Variants in PAQR8 observed in about 807,000 individuals in gnomAD.
PAQR8 encodes the protein progestin and adipoQ receptor family member 8, also known as membrane progestin receptor beta.
A neutral mutation model predicts 25.2 loss-of-function variants in PAQR8; 17 were observed. That is an observed-to-expected ratio of 0.67 (90% confidence interval 0.46 to 1.01). The LOEUF (loss-of-function observed/expected upper bound fraction) is 1.01, where lower values mean the gene tolerates loss of function less well. Among genes scored for constraint, PAQR8 ranks in the 50% least tolerant of loss-of-function variants. PAQR8 has a pLI of 0.00. For missense variants in PAQR8, 392 were observed against 448.4 expected, an observed-to-expected ratio of 0.87 and a Z score of 1.14; for synonymous variants, 204 against 190.6, an observed-to-expected ratio of 1.07 and a Z score of -0.58.
intron 1 of PAQR8, among the ~76,000 whole-genome samples, chr6:52,376,257 A>G (rs16882431): frequency 0.021 from 3,133 of 152,300 alleles, 120 homozygotes; most frequent in African/African-American, 0.071. Flanking sequence ...GCCAGTCCGT[A>G]GTCACCAAAA....
chr6:52,398,204 CTTTTTTT>C (rs869285681), intron 1 of PAQR8, among the ~76,000 whole-genome samples: 13,777 of 85,880 alleles, frequency 0.16, 872 homozygotes, highest in Non-Finnish European at 0.19. Flanking sequence ...TTTCTTTTTT[CTTTTTTT>C]TTTTTTTTTT....
chr6:52,384,029 C>T (rs1315738392), intron 1 of PAQR8, among the ~76,000 whole-genome samples: 3 of 152,056 alleles, frequency 2.0e-5, no homozygotes, highest in Admixed American at 2.0e-4. Context: ...AAAAAAGGGA[C>T]AGGTTTTGCA....
chr6:52,369,503 C>G (rs1763392370), intron 1 of PAQR8, among the ~76,000 whole-genome samples: 1 of 152,202 alleles, frequency 6.6e-6, no homozygotes, highest in African/African-American at 2.4e-5. Context: ...TCCTTAACAC[C>G]TGCTCTTTTG....
chr6:52,395,448 TAGG>T (rs964378649), intron 1 of PAQR8, among the ~76,000 whole-genome samples: 41 of 152,262 alleles, frequency 2.7e-4, no homozygotes, highest in African/African-American at 7.9e-4. Context: ...TTAAAGGAGA[TAGG>T]GGAGTTCAAA....
chr6:52,365,055 T>TA (rs1343762797), intron 1 of PAQR8, among the ~76,000 whole-genome samples: 1 of 152,276 alleles, frequency 6.6e-6, no homozygotes. Context: ...CCCCTCCTGA[T>TA]ACTTGTTACT....
chr6:52,379,615 C>CTT (rs1763528145), intron 1 of PAQR8, among the ~76,000 whole-genome samples: 3 of 100,498 alleles, frequency 3.0e-5, no homozygotes, highest in Admixed American at 9.7e-5. Flanking sequence ...CCACACCCAG[C>CTT]TTTCTTTTTT....
chr6:52,404,527 A>G lies in PAQR8; in HGVS notation c.*249A>G. On this transcript the variant is annotated 3_prime_UTR_variant, in exon 2 of 2. Coordinates refer to ENST00000442253, the MANE Select transcript of PAQR8 (RefSeq NM_133367.5). ...AGGGAAGGGATCTTGACTAAGATTC[A>G]TGAGACATTGAATTAAGGAGAATCA... The G allele has an allele frequency of 2.5e-6, 1 of 403,984 alleles. No individual in the cohort carries two copies. The highest frequency in any genetic ancestry group is 4.3e-5 in the East Asian group (1 of 23,194). 25.0% of individuals were successfully genotyped at this position (403,984 alleles called of 1,614,324 possible).
chr6:52,372,361 A>C (rs1009521379), intron 1 of PAQR8, among the ~76,000 whole-genome samples: 3 of 152,198 alleles, frequency 2.0e-5, no homozygotes, highest in African/African-American at 7.2e-5. Context: ...ATAATGATCA[A>C]CTTATTGTTA....
chr6:52,387,961 T>C (rs1482234684), intron 1 of PAQR8, among the ~76,000 whole-genome samples: 1 of 152,248 alleles, frequency 6.6e-6, no homozygotes, highest in African/African-American at 2.4e-5. Flanking sequence ...TGATGATCTG[T>C]TACTGTCTGC....
intron 1 of PAQR8, among the ~76,000 whole-genome samples, chr6:52,370,452 G>A (rs1763405811): frequency 6.6e-6 from 1 of 152,288 alleles, no homozygotes; most frequent in Non-Finnish European, 1.5e-5. Flanking sequence ...GTCTTTTTGT[G>A]CTTAAGGAGC....
chr6:52,387,470 C>T (rs1475416814), intron 1 of PAQR8, among the ~76,000 whole-genome samples: 1 of 152,156 alleles, frequency 6.6e-6, no homozygotes, highest in Non-Finnish European at 1.5e-5. Flanking sequence ...CAGTTATTCT[C>T]ACAATCAAGT....
chr6:52,395,260 G>A (rs551114087), intron 1 of PAQR8, among the ~76,000 whole-genome samples: 7 of 128,326 alleles, frequency 5.5e-5, no homozygotes, highest in African/African-American at 2.1e-4. Context: ...GCGACACAGC[G>A]AGACTTCGTC....
intron 1 of PAQR8, among the ~76,000 whole-genome samples, chr6:52,396,333 A>G (rs1763766946): frequency 6.6e-6 from 1 of 152,186 alleles, no homozygotes; most frequent in Non-Finnish European, 1.5e-5. Flanking sequence ...CTGAGTTTGC[A>G]TGCATGGGAG....
chr6:52,378,238 C>T (rs903299019), intron 1 of PAQR8, among the ~76,000 whole-genome samples: 9 of 152,224 alleles, frequency 5.9e-5, no homozygotes, highest in African/African-American at 2.2e-4. Flanking sequence ...TTATCACTGG[C>T]AACTGGATAA....
chr6:52,396,033 A>G (rs1433620518), intron 1 of PAQR8, among the ~76,000 whole-genome samples: 4 of 152,246 alleles, frequency 2.6e-5, no homozygotes, highest in Non-Finnish European at 5.9e-5. Flanking sequence ...CTGTTCATTC[A>G]GTAAATAATT....
At chr6:52,379,766 A>G (rs1273167825) in intron 1 of PAQR8, among the ~76,000 whole-genome samples, 2 of 151,754 alleles carry the variant, frequency 1.3e-5, no homozygotes, top group South Asian at 2.1e-4. Flanking sequence ...AGCTGGGACT[A>G]TAGGCGCCTG....
At chr6:52,389,420 G>A (rs1489355623) in intron 1 of PAQR8, among the ~76,000 whole-genome samples, 1 of 152,120 alleles carries the variant, frequency 6.6e-6, no homozygotes, top group African/African-American at 2.4e-5. Context: ...AATTCAATAA[G>A]CAGAAGAGAG....
rs146117814 is a variant in PAQR8 at position 52,397,026 on chromosome 6, G to T, written c.-52-6136G>T. Among the ~76,000 whole-genome samples the T allele has an allele frequency of 2.2e-4, 33 of 152,298 alleles. No homozygotes were observed. The East Asian group carries it at 6.4e-3, about 29-fold the overall frequency. Reference sequence around the variant, plus strand: ...TGAAAAGGGGGCAGATACCACAATTGACAGGGATGGTGGGAGAAGAAAGCC... The same window carrying T: ...TGAAAAGGGGGCAGATACCACAATTTACAGGGATGGTGGGAGAAGAAAGCC... On this transcript the variant is annotated intron_variant, in intron 1 of 1. Coordinates refer to ENST00000442253, the MANE Select transcript of PAQR8 (RefSeq NM_133367.5).
At chr6:52,386,940 T>C (rs1318019064) in intron 1 of PAQR8, among the ~76,000 whole-genome samples, 1 of 152,216 alleles carries the variant, frequency 6.6e-6, no homozygotes, top group Non-Finnish European at 1.5e-5. Flanking sequence ...AGCTGTAGCT[T>C]TGTGATAGTT....
Sources: allele counts gnomAD v4.1 joint callset (sites outside exome capture counted in the v4.1 genomes callset), GRCh38; gene constraint gnomAD v4.1.1; transcripts MANE v1.5; gene names NCBI Gene and HGNC (gene_info 2026-07-23, HGNC 2026-07-21).